Variants in ADAR observed in about 807,000 individuals in gnomAD.
ADAR encodes double-stranded RNA-specific adenosine deaminase.
A neutral mutation model predicts 113.2 loss-of-function variants in ADAR; 41 were observed. The ratio of observed to expected loss-of-function variants is 0.36; its 90% CI spans 0.28 to 0.47. ADAR has a LOEUF of 0.47. Among genes scored for constraint, ADAR ranks in the 20% least tolerant of loss-of-function variants. The pLI, the probability that ADAR is intolerant of heterozygous loss-of-function variation, is 1.00. For synonymous variants in ADAR, 605 were observed against 572.6 expected (o/e 1.06, Z -0.81); for missense variants, 1,242 against 1,540.9 (o/e 0.81, Z 3.25).
chr1:154,612,922 C>T (rs1323833470), upstream of ADAR, among the ~76,000 whole-genome samples: 1 of 152,056 alleles, frequency 6.6e-6, no homozygotes, highest in Non-Finnish European at 1.5e-5. Context: ...AGTGATTCTC[C>T]TGTCTCAGCC....
Position 154,602,292 on chromosome 1 carries a change from C to G in ADAR, c.350G>C (p.Ser117Thr). Residue 117 changes from serine to threonine, a missense_variant, in exon 2 of 15, where the codon AGT becomes ACT. By Grantham distance (58) the Ser-to-Thr change is moderately conservative. Coordinates refer to ENST00000368474, the MANE Select transcript of ADAR (RefSeq NM_001111.5). ...GCAATCAACACCTCTCTGTGGCAGA[C>G]TCCTGCCACGTGGTGAAGGATGCTG... ...GFQHPSPRGRSLPQRGVDCLS... is the reference protein window; with the variant it reads ...GFQHPSPRGRTLPQRGVDCLS... 1.2e-6 allele frequency: 2 copies of G among 1,614,032 alleles called. No individual in the cohort carries two copies. The highest frequency in any genetic ancestry group is 2.2e-5 in the South Asian group (2 of 91,058).
chr1:154,602,425 G>A lies in ADAR; in HGVS notation c.217C>T (p.Pro73Ser). ...SLPPSLPGLR[P>S]RFPVLLASST... Reference sequence around the variant, plus strand: ...GAGGCAAGTAGTACTGGAAACCTTGGCCGGAGTCCTGGGAGGGAAGGTGGC... The same window carrying A: ...GAGGCAAGTAGTACTGGAAACCTTGACCGGAGTCCTGGGAGGGAAGGTGGC... Residue 73 changes from proline to serine, a missense_variant, in exon 2 of 15, where the codon CCA (proline) becomes TCA (serine). Physicochemically the swap from Pro to Ser is moderately conservative, Grantham distance 74 (BLOSUM62 -1). This residue lies in a region of ADAR where 462 missense variants were observed against 483.1 expected (regional missense o/e 0.96). Coordinates refer to ENST00000368474, the MANE Select transcript of ADAR (RefSeq NM_001111.5). 1 of 1,609,370 alleles carries A rather than the reference G, an allele frequency of 6.2e-7. No homozygotes were observed. The highest frequency in any genetic ancestry group is 2.2e-5 in the East Asian group (1 of 44,832).
chr1:154,584,611 G>A lies in ADAR; in HGVS notation c.*195C>T, dbSNP rs1207436739. 1.8e-5 allele frequency: 11 copies of A among 606,716 alleles called. 1 individual carries two copies. Among genetic ancestry groups the A allele is most frequent in the Middle Eastern group, 9.0e-4 (2 of 2,234 alleles). The allele number at this position is 606,716 out of a possible 1,614,324, so 37.6% of individuals were successfully genotyped here. On this transcript the variant is annotated 3_prime_UTR_variant, in exon 15 of 15. Coordinates refer to ENST00000368474, the MANE Select transcript of ADAR (RefSeq NM_001111.5). ...CACTTGGGGGAAAAAAGGGGGGCCTGGCCAGACCTTGCCTAGCAATCCCAA... is the reference window on the plus strand; with the variant it reads ...CACTTGGGGGAAAAAAGGGGGGCCTAGCCAGACCTTGCCTAGCAATCCCAA...
rs946268074 is a variant in ADAR, at chr1:154,582,695, C to T, written c.*2111G>A. ...AGAGCTCTGCTGGAGAACCTAATGC[C>T]CAAGATGGACCAGAGAGGCCAAACA... is the stretch of plus-strand genomic sequence containing the variant. On this transcript the variant is annotated 3_prime_UTR_variant, in exon 15 of 15. Transcript: ENST00000368474. 1.3e-5 allele frequency: 2 copies of T among 152,288 alleles called. No individual in the cohort carries two copies. The highest frequency in any genetic ancestry group is 2.4e-5 in the African/African-American group (1 of 41,438). The allele number at this position is 152,288 out of a possible 1,614,324, so 9.4% of individuals were successfully genotyped here.
rs1274234563 is a variant in ADAR at position 154,601,323 on chromosome 1, C to A, written c.1319G>T (p.Gly440Val). 6 of 1,614,240 alleles carry A rather than the reference C, an allele frequency of 3.7e-6. No homozygotes were observed. The highest frequency in any genetic ancestry group is 5.1e-6 in the Non-Finnish European group (6 of 1,180,048). Residue 440 changes from glycine to valine, a missense_variant, in exon 2 of 15, where the codon GGC becomes GTC. Physicochemically the swap from Gly to Val is moderately radical, Grantham distance 109. Transcript: ENST00000368474. The surrounding 1 kb of genome is among the most constrained non-coding windows in gnomAD (Gnocchi z 4.7). Reference sequence around the variant, plus strand: ...GTCAACATACCCTGCTTTTGAGGGGCCATTGTAATGAACAGGTGGTTTCAG... The same window carrying A: ...GTCAACATACCCTGCTTTTGAGGGGACATTGTAATGAACAGGTGGTTTCAG... ...ARLKPPVHYN[G>V]PSKAGYVDFE...
upstream of ADAR, chr1:154,608,827 G>GC (rs1698370521): frequency 3.1e-5 from 4 of 130,604 alleles, 1 homozygote; most frequent in Admixed American, 2.4e-4. Flanking sequence ...CTCCAATGTG[G>GC]AGGGGGGGGG....
chr1:154,585,649 T>G, intron 13 of ADAR, 104 bp downstream of exon 13: 1 of 1,060,350 alleles, frequency 9.4e-7, no homozygotes, highest in South Asian at 1.3e-5. Flanking sequence ...GGGCTACCAC[T>G]GTGGGCAATG....
chr1:154,596,639 C>G (rs1697512550), intron 6 of ADAR, among the ~76,000 whole-genome samples, 166 bp downstream of exon 6: 1 of 152,190 alleles, frequency 6.6e-6, no homozygotes, highest in Non-Finnish European at 1.5e-5. Context: ...CGCATTCACT[C>G]TTGGCAGGTC....
In ADAR at chr1:154,601,768, CAA is replaced by C; in HGVS notation, c.872_873del (p.Leu291ArgfsTer21). 1 of 1,614,220 alleles carries C rather than the reference CAA, an allele frequency of 6.2e-7. No individual in the cohort carries two copies. Among genetic ancestry groups the C allele is most frequent in the Non-Finnish European group, 8.5e-7 (1 of 1,180,052 alleles). On this transcript the variant is annotated frameshift_variant, in exon 2 of 15. Coordinates refer to ENST00000368474, the MANE Select transcript of ADAR (RefSeq NM_001111.5). LOFTEE classifies it high-confidence loss of function. This position sits in a 1 kb window ranked among gnomAD's most constrained non-coding sequence, Gnocchi z 4.7. ...TTGATCTCGGCCATGTCTAAAAACTCAAGAGGATCTTCCAAGGCAGATGTGGA... is the reference window on the plus strand; with the variant it reads ...TTGATCTCGGCCATGTCTAAAAACTCGAGGATCTTCCAAGGCAGATGTGGA... ...SNSTSALEDP[L>X]EFLDMAEIKE...
At chr1:154,626,772 A>C (rs1028644622) in intron 1 of ADAR, among the ~76,000 whole-genome samples, 4 of 152,244 alleles carry the variant, frequency 2.6e-5, no homozygotes, top group African/African-American at 9.6e-5. Context: ...AAACAGCTGC[A>C]AAGTGGCAGA....
At chr1:154,598,254 TG>T in intron 3 of ADAR, 147 bp downstream of exon 3, 1 of 899,540 alleles carries the variant, frequency 1.1e-6, no homozygotes, top group Non-Finnish European at 1.8e-6. Flanking sequence ...GGAGGAAAGG[TG>T]GGCTGGCGAG....
upstream of ADAR, among the ~76,000 whole-genome samples, chr1:154,612,967 A>G (rs1408582133): frequency 6.6e-6 from 1 of 151,448 alleles, no homozygotes; most frequent in African/African-American, 2.4e-5. Flanking sequence ...ACATGCCACC[A>G]TGCCTGGGTA....
In ADAR at chr1:154,588,140, T is replaced by C. The variant is rs749167389; in HGVS notation, c.3004A>G (p.Thr1002Ala). The change falls in exon 11 of 15, where the codon ACC (threonine) becomes GCC (alanine). Residue 1002 changes from threonine (T) to alanine (A), a missense_variant. By Grantham distance (58) the Thr-to-Ala change is moderately conservative. Around this residue, in one of 2 missense-constraint regions of ADAR, gnomAD observed 780 missense variants for 1,057.9 expected, o/e 0.74. Coordinates refer to ENST00000368474, the MANE Select transcript of ADAR (RefSeq NM_001111.5). ...TATCACTCACCGTTCTCCACCTTGG[T>C]GCGGAGCTTTCCTTGTTTGGGATTC... Reference protein sequence around the residue: ...FENPKQGKLRTKVENGEGTIP... With the variant: ...FENPKQGKLRAKVENGEGTIP... 4 of 1,613,872 alleles carry C rather than the reference T, an allele frequency of 2.5e-6. No individual in the cohort carries two copies. The South Asian group carries it at 4.4e-5, about 18-fold the overall frequency.
intron 1 of ADAR, among the ~76,000 whole-genome samples, chr1:154,617,622 C>T (rs1698671410): frequency 6.6e-6 from 1 of 152,060 alleles, no homozygotes; most frequent in South Asian, 2.1e-4. Flanking sequence ...CTACCATTAC[C>T]ATTGTTATTT....
intron 6 of ADAR, among the ~76,000 whole-genome samples, chr1:154,591,286 C>A (rs1180536184): frequency 3.9e-5 from 6 of 152,236 alleles, no homozygotes; most frequent in African/African-American, 1.4e-4. Flanking sequence ...ACCTTTCTCC[C>A]CACAAGTCAC....
chr1:154,599,114 G>C (rs1697703253), intron 2 of ADAR, among the ~76,000 whole-genome samples: 1 of 152,104 alleles, frequency 6.6e-6, no homozygotes, highest in African/African-American at 2.4e-5. Flanking sequence ...ACCGTAGTTT[G>C]TTATGAGTCA....
rs753424528 is a variant in ADAR, at chr1:154,597,226, C to A, written c.1976G>T (p.Ser659Ile). 1 of 1,614,190 alleles carries A rather than the reference C, an allele frequency of 6.2e-7. No homozygotes were observed. Among genetic ancestry groups the A allele is most frequent in the South Asian group, 1.1e-5 (1 of 91,084 alleles). Reference sequence around the variant, plus strand: ...CACTTTCTTGCTGGGAGCACTCACACTGGGGAAAGTTTGGGCTCCCACTGC... The same window carrying A: ...CACTTTCTTGCTGGGAGCACTCACAATGGGGAAAGTTTGGGCTCCCACTGC... The part of the protein sequence containing the change: ...CVAVGAQTFP[S>I]VSAPSKKVAK... Residue 659 changes from serine (S) to isoleucine (I), a missense_variant, in exon 5 of 15, where the codon AGT (serine) becomes ATT (isoleucine). This residue lies in a region of ADAR where 780 missense variants were observed against 1,057.9 expected (regional missense o/e 0.74). Coordinates refer to ENST00000368474, the MANE Select transcript of ADAR (RefSeq NM_001111.5).
intron 1 of ADAR, among the ~76,000 whole-genome samples, chr1:154,623,957 C>T (rs888933178): frequency 4.6e-5 from 7 of 151,282 alleles, no homozygotes; most frequent in Non-Finnish European, 8.8e-5. Flanking sequence ...CAGCCAAGAT[C>T]GTGCCACTGC....
chr1:154,587,803 T>C (rs1435406358), intron 11 of ADAR, among the ~76,000 whole-genome samples: 1 of 152,190 alleles, frequency 6.6e-6, no homozygotes, highest in African/African-American at 2.4e-5. Flanking sequence ...GGTAATCCTA[T>C]GCATTCTCAT....
Sources: allele counts gnomAD v4.1 joint callset (sites outside exome capture counted in the v4.1 genomes callset), GRCh38; gene constraint gnomAD v4.1.1; regional missense constraint gnomAD v4.1.1; non-coding constraint Gnocchi (gnomAD v3.1); transcripts MANE v1.5; gene names NCBI Gene and HGNC (gene_info 2026-07-23, HGNC 2026-07-21).